The following LMNTD1 variants were observed in gnomAD, a reference collection of about 807,000 sequenced individuals.
LMNTD1 encodes the protein lamin tail domain containing 1.
In LMNTD1, 35 loss-of-function variants were observed where a neutral mutation model predicts 50.9. The ratio of observed to expected loss-of-function variants is 0.69; its 90% CI spans 0.53 to 0.91. The LOEUF (loss-of-function observed/expected upper bound fraction) is 0.91. Among genes scored for constraint, LMNTD1 ranks in the 40% least tolerant of loss-of-function variants. The probability of loss-of-function intolerance (pLI) is 0.00; values close to 1 mark genes in which losing one functional copy is unlikely to be tolerated. For synonymous variants in LMNTD1, 153 were observed against 161.9 expected (o/e 0.94, Z 0.42); for missense variants, 470 against 475.5 (o/e 0.99, Z 0.11).
At chr12:25,517,038 C>T (rs1222792226) in intron 8 of LMNTD1, among the ~76,000 whole-genome samples, 1 of 121,704 alleles carries the variant, frequency 8.2e-6, no homozygotes, top group Non-Finnish European at 1.8e-5. Flanking sequence ...GAATGGCAAT[C>T]ATTAAAAAGT....
Position 25,526,231 on chromosome 12 carries a change from T to A in LMNTD1, c.679-13A>T. The A allele has an allele frequency of 6.2e-7, 1 of 1,601,990 alleles. No homozygotes were observed. The highest frequency in any genetic ancestry group is 8.5e-7 in the Non-Finnish European group (1 of 1,175,846). ...CTGCTGCCCACACCTGTAATAAAATTGTTAATGACAAATGCCACTGGAGTT... is the reference window on the plus strand; with the variant it reads ...CTGCTGCCCACACCTGTAATAAAATAGTTAATGACAAATGCCACTGGAGTT... On this transcript the variant is annotated splice_polypyrimidine_tract_variant and intron_variant, in intron 5 of 9. Coordinates refer to ENST00000458174, the MANE Select transcript of LMNTD1 (RefSeq NM_001145728.2).
At chr12:25,570,873 G>C (rs1211589309) in intron 1 of LMNTD1, among the ~76,000 whole-genome samples, 1 of 152,152 alleles carries the variant, frequency 6.6e-6, no homozygotes, top group Non-Finnish European at 1.5e-5. Context: ...GCACATTATG[G>C]GAAAGGTCCT....
intron 1 of LMNTD1, among the ~76,000 whole-genome samples, chr12:25,604,077 T>G (rs2136514998): frequency 6.6e-6 from 1 of 152,214 alleles, no homozygotes; most frequent in Non-Finnish European, 1.5e-5. Context: ...CCCTATCACA[T>G]TCCCACAAAG....
intron 9 of LMNTD1, among the ~76,000 whole-genome samples, chr12:25,477,624 G>C (rs1938312783): frequency 6.6e-6 from 1 of 152,162 alleles, no homozygotes; most frequent in African/African-American, 2.4e-5. Context: ...AGCTGGGATG[G>C]AAGAACAAAG....
At chr12:25,616,549 G>T (rs757686971) in intron 1 of LMNTD1, among the ~76,000 whole-genome samples, 1 of 152,192 alleles carries the variant, frequency 6.6e-6, no homozygotes, top group Non-Finnish European at 1.5e-5. Flanking sequence ...GAGTAGAAGG[G>T]AAGTGGATCC....
At chr12:25,582,527 A>C (rs1002111845) in intron 1 of LMNTD1, 1 of 152,214 alleles carries the variant, frequency 6.6e-6, no homozygotes, top group African/African-American at 2.4e-5. Flanking sequence ...AGGAGACCTC[A>C]AAGTGCGGAA....
chr12:25,509,615 A>G (rs1451028229), intron 8 of LMNTD1, among the ~76,000 whole-genome samples: 1 of 152,112 alleles, frequency 6.6e-6, no homozygotes, highest in Non-Finnish European at 1.5e-5. Context: ...ATGTGTCCTA[A>G]CCCTTGGAAC....
chr12:25,503,787 C>A lies in LMNTD1; in HGVS notation c.1203G>T (p.Lys401Asn). 6.3e-7 allele frequency: 1 copy of A among 1,582,202 alleles called. No individual in the cohort carries two copies. Among genetic ancestry groups the A allele is most frequent in the South Asian group, 1.2e-5 (1 of 86,930 alleles). The change falls in exon 9 of 10, where the codon AAG (lysine) becomes AAT (asparagine). Residue 401 changes from lysine (K) to asparagine (N), a missense_variant. Coordinates refer to ENST00000458174, the MANE Select transcript of LMNTD1 (RefSeq NM_001145728.2). ...ATTGCTTTTGTGACTCAGATGTCTT[C>A]TTTTTCTTAGACCCTGAAAATTAAA... ...RPNRASGSKK[K>N]KTSESQKQ is the part of the protein sequence containing the mutation.
chr12:25,521,318 C>G (rs1423812117), intron 6 of LMNTD1, among the ~76,000 whole-genome samples: 1 of 152,052 alleles, frequency 6.6e-6, no homozygotes, highest in African/African-American at 2.4e-5. Context: ...GAGCTTTTCC[C>G]CTATGTTCTT....
intron 9 of LMNTD1, among the ~76,000 whole-genome samples, chr12:25,491,534 A>G (rs1007898643): frequency 6.6e-6 from 1 of 152,234 alleles, no homozygotes; most frequent in Admixed American, 6.5e-5. Flanking sequence ...GAGACAATAA[A>G]CTTTCAGTTC....
At chr12:25,554,513 C>A (rs1256539805), upstream of LMNTD1, among the ~76,000 whole-genome samples, 3 of 152,094 alleles carry the variant, frequency 2.0e-5, no homozygotes, top group Admixed American at 1.3e-4. Flanking sequence ...CAATGAAAAC[C>A]AATTTCCTCT....
At chr12:25,610,348 C>T (rs1946213756) in intron 1 of LMNTD1, among the ~76,000 whole-genome samples, 2 of 152,144 alleles carry the variant, frequency 1.3e-5, no homozygotes, top group Admixed American at 6.5e-5. Flanking sequence ...GCTGCACCCA[C>T]TTTCTGACCA....
chr12:25,488,680 C>A (rs1394865765), intron 9 of LMNTD1, among the ~76,000 whole-genome samples: 1 of 152,166 alleles, frequency 6.6e-6, no homozygotes, highest in African/African-American at 2.4e-5. Context: ...TGGTGAGGAA[C>A]TGCGTTCCTT....
intron 1 of LMNTD1, among the ~76,000 whole-genome samples, chr12:25,624,152 T>G (rs1036268101): frequency 1.3e-5 from 2 of 152,130 alleles, no homozygotes; most frequent in East Asian, 3.8e-4. Flanking sequence ...GAAAACACCT[T>G]TCACATATGA....
At chr12:25,633,851 A>G (rs1446105022) in intron 1 of LMNTD1, among the ~76,000 whole-genome samples, 1 of 152,242 alleles carries the variant, frequency 6.6e-6, no homozygotes, top group Non-Finnish European at 1.5e-5. Context: ...TGAAACTGAA[A>G]CAAAAAAATT....
At chr12:25,601,207 A>G (rs937996082) in intron 1 of LMNTD1, among the ~76,000 whole-genome samples, 2 of 152,028 alleles carry the variant, frequency 1.3e-5, no homozygotes, top group Non-Finnish European at 2.9e-5. Flanking sequence ...TAGAAAGACA[A>G]ATATTGCATG....
intron 1 of LMNTD1, among the ~76,000 whole-genome samples, chr12:25,611,363 T>C (rs192107297): frequency 6.6e-5 from 10 of 152,192 alleles, no homozygotes; most frequent in African/African-American, 2.2e-4. Flanking sequence ...GCCTTTGGTG[T>C]TTTGATGGTT....
intron 6 of LMNTD1, among the ~76,000 whole-genome samples, chr12:25,522,385 CAAT>C (rs775167573): frequency 6.6e-6 from 1 of 152,094 alleles, no homozygotes; most frequent in Non-Finnish European, 1.5e-5. Context: ...TTTTCGATGA[CAAT>C]GATGATAATG....
intron 4 of LMNTD1, among the ~76,000 whole-genome samples, chr12:25,543,741 T>C (rs78834333): frequency 0.032 from 4,821 of 151,974 alleles, 179 homozygotes; most frequent in African/African-American, 0.094. Flanking sequence ...ACTTCCCTTT[T>C]AGTACTGCTT....
Sources: gnomAD v4.1 joint callset for allele counts (sites outside exome capture counted in the v4.1 genomes callset) on GRCh38, gnomAD v4.1.1 for gene constraint, MANE v1.5 for transcripts, NCBI Gene and HGNC (gene_info 2026-07-23, HGNC 2026-07-21) for gene names.